Variants in WDR4 observed in about 807,000 individuals in gnomAD.
The protein encoded by WDR4 is WDR4 tRNA N7-guanosine methyltransferase non-catalytic subunit.
In WDR4, 47 loss-of-function variants were observed where a neutral mutation model predicts 48.6. The ratio of observed to expected loss-of-function variants is 0.97; its 90% CI spans 0.77 to 1.23. The LOEUF (loss-of-function observed/expected upper bound fraction) is 1.23, where lower values mean the gene tolerates loss of function less well. Among genes scored for constraint, WDR4 ranks in the 50% most tolerant of loss-of-function variants. WDR4 has a pLI of 0.00. For synonymous variants in WDR4, 268 were observed against 230.0 expected (o/e 1.17, Z -1.49); for missense variants, 606 against 551.6 (o/e 1.10, Z -0.99).
intron 3 of WDR4, among the ~76,000 whole-genome samples, chr21:42,868,302 G>A (rs77819891): frequency 0.014 from 2,161 of 152,332 alleles, 17 homozygotes; most frequent in Non-Finnish European, 0.022. Context: ...CAAGTTCAAA[G>A]TGAGACACTA....
chr21:42,865,046 G>A (rs1476927855), intron 3 of WDR4, among the ~76,000 whole-genome samples: 2 of 152,136 alleles, frequency 1.3e-5, no homozygotes, highest in Non-Finnish European at 2.9e-5. Flanking sequence ...TCCTCAATGA[G>A]GCCCCTATGT....
chr21:42,875,610 A>G (rs1402882805), intron 2 of WDR4, among the ~76,000 whole-genome samples: 1 of 152,188 alleles, frequency 6.6e-6, no homozygotes, highest in Non-Finnish European at 1.5e-5. Flanking sequence ...TAGGGGGATG[A>G]GGCGGGAGAT....
At chr21:42,852,423 G>T (rs1003983502) in intron 9 of WDR4, 99 bp from the exon 10 acceptor site, 1 of 1,378,560 alleles carries the variant, frequency 7.3e-7, no homozygotes, top group Admixed American at 2.1e-5. Flanking sequence ...TTGCAGGGGA[G>T]GTCCCCTCCT....
At chr21:42,863,087 GCCACCTACTGA>G (rs2058156328) in intron 4 of WDR4, among the ~76,000 whole-genome samples, 1 of 152,154 alleles carries the variant, frequency 6.6e-6, no homozygotes, top group African/African-American at 2.4e-5. Context: ...CCAACCTGGG[GCCACCTACTGA>G]CCACCTCCTG....
intron 1 of WDR4, among the ~76,000 whole-genome samples, chr21:42,877,786 T>C (rs1227214130): frequency 6.6e-6 from 1 of 152,116 alleles, no homozygotes; most frequent in Non-Finnish European, 1.5e-5. Flanking sequence ...GGTTCACGCC[T>C]GTAATCCCAG....
chr21:42,879,526 T>C lies in WDR4; in HGVS notation c.-31A>G, dbSNP rs375147243. On this transcript the variant is annotated 5_prime_UTR_variant, in exon 1 of 11. Coordinates refer to ENST00000398208, the MANE Select transcript of WDR4 (RefSeq NM_018669.6). ...CGCCCGCCTCACCGCCATACACATG[T>C]GCCAGCCCAGAGCCTCTTCCTGTCC... 8.1e-6 allele frequency: 13 copies of C among 1,610,732 alleles called. No individual in the cohort carries two copies. Among genetic ancestry groups the C allele is most frequent in the South Asian group, 5.5e-5 (5 of 90,944 alleles).
Position 42,855,673 on chromosome 21 carries a change from A to T in WDR4, c.726+9T>A. On this transcript the variant is annotated intron_variant, in intron 7 of 10. Coordinates refer to ENST00000398208, the MANE Select transcript of WDR4 (RefSeq NM_018669.6). ...ACTCAGTCGCCCAGGAGTGAACAGAAGCAGCTACCTGGGGGGCCTGGGGGT... is the reference window on the plus strand; with the variant it reads ...ACTCAGTCGCCCAGGAGTGAACAGATGCAGCTACCTGGGGGGCCTGGGGGT... 1.3e-6 allele frequency: 2 copies of T among 1,545,234 alleles called. No homozygotes were observed. Among genetic ancestry groups the T allele is most frequent in the South Asian group, 1.2e-5 (1 of 83,768 alleles).
At chr21:42,871,809 T>C (rs2058374566) in intron 3 of WDR4, among the ~76,000 whole-genome samples, 1 of 152,190 alleles carries the variant, frequency 6.6e-6, no homozygotes, top group Admixed American at 6.5e-5. Context: ...ACCTACCTGA[T>C]ACACAAAGAC....
chr21:42,847,806 T>C (rs2057724071), downstream of WDR4, among the ~76,000 whole-genome samples: 1 of 151,824 alleles, frequency 6.6e-6, no homozygotes, highest in Non-Finnish European at 1.5e-5. Flanking sequence ...GTGGGCAGGA[T>C]GCAGCGCATG....
upstream of WDR4, among the ~76,000 whole-genome samples, chr21:42,881,957 G>A (rs914141644): frequency 6.6e-6 from 1 of 152,008 alleles, no homozygotes; most frequent in African/African-American, 2.4e-5. Context: ...ATGTGCCACC[G>A]TGCCCAGCTA....
chr21:42,858,382 C>T (rs1602713737), intron 6 of WDR4, among the ~76,000 whole-genome samples: 1 of 152,132 alleles, frequency 6.6e-6, no homozygotes, highest in South Asian at 2.1e-4. Context: ...ACAGGAAGCG[C>T]GCGGGAAAAC....
At position 42,859,600 on chromosome 21, in the gene WDR4, C is replaced by T; in HGVS notation, c.627+62G>A. 4.2e-6 allele frequency: 3 copies of T among 705,992 alleles called. 1 individual carries two copies. The highest frequency in any genetic ancestry group is 3.6e-5 in the African/African-American group (2 of 55,676). The allele number at this position is 705,992 out of a possible 1,614,324, so 43.7% of individuals were successfully genotyped here. A position where few individuals can be genotyped will look rare whatever the true frequency, so the allele number is the denominator to read the frequency against. On this transcript the variant is annotated intron_variant, in intron 6 of 10. Coordinates refer to ENST00000398208, the MANE Select transcript of WDR4 (RefSeq NM_018669.6). Reference sequence around the variant, plus strand: ...ACAGGGGCCAGGTCCAGGAGGCGCCCACCCCACCCTCCCTGCAGGCTCAAG... The same window carrying T: ...ACAGGGGCCAGGTCCAGGAGGCGCCTACCCCACCCTCCCTGCAGGCTCAAG...
downstream of WDR4, among the ~76,000 whole-genome samples, chr21:42,847,950 G>C (rs533003279): frequency 1.4e-4 from 21 of 152,346 alleles, no homozygotes; most frequent in African/African-American, 4.3e-4. Flanking sequence ...GCAGCGTGAA[G>C]GAGGCCAGGC....
chr21:42,883,206 T>C (rs1601200459), upstream of WDR4, among the ~76,000 whole-genome samples: 1 of 133,566 alleles, frequency 7.5e-6, no homozygotes, highest in South Asian at 2.4e-4. Flanking sequence ...ACCGAGGAGG[T>C]GGAGATTGCA....
At chr21:42,884,980 T>C in the WDR4 span, among the ~76,000 whole-genome samples, 72 of 152,236 alleles carry the variant, frequency 4.7e-4, no homozygotes, top group African/African-American at 1.6e-3. Context: ...TTCACCATGT[T>C]GGCCAGGCTG....
chr21:42,863,325 G>C lies in WDR4; in HGVS notation c.453+115C>G, dbSNP rs780000781. 4.3e-4 allele frequency: 568 copies of C among 1,309,758 alleles called. 1 individual carries two copies. The highest frequency in any genetic ancestry group is 4.3e-4 in the Non-Finnish European group (403 of 946,626). The allele number at this position is 1,309,758 out of a possible 1,614,324, so 81.1% of individuals were successfully genotyped here. ...GTACTGCGTCTAACAGCATGGACAG[G>C]TGCCTGAGCCTTGACAGGGTAGACA... On this transcript the variant is annotated intron_variant, in intron 4 of 10. Coordinates refer to ENST00000398208, the MANE Select transcript of WDR4 (RefSeq NM_018669.6).
chr21:42,876,596 C>T (rs527789032), intron 2 of WDR4, 106 bp downstream of exon 2: 22 of 1,082,780 alleles, frequency 2.0e-5, no homozygotes, highest in Non-Finnish European at 3.0e-5. Flanking sequence ...CACTGTGTGA[C>T]AGAAGCTAAG....
intron 11 of WDR4, among the ~76,000 whole-genome samples, chr21:42,843,854 TG>T (rs1209855982): frequency 6.6e-6 from 1 of 152,262 alleles, no homozygotes; most frequent in East Asian, 1.9e-4. Context: ...CCACCGCACC[TG>T]ACCTTTTTAA....
At chr21:42,878,515 A>C (rs1273837463) in intron 1 of WDR4, among the ~76,000 whole-genome samples, 2 of 152,238 alleles carry the variant, frequency 1.3e-5, no homozygotes, top group African/African-American at 4.8e-5. Flanking sequence ...ACCTAACTTA[A>C]CATCGAATTG....
Sources: gnomAD v4.1 joint callset for allele counts (sites outside exome capture counted in the v4.1 genomes callset) on GRCh38, gnomAD v4.1.1 for gene constraint, MANE v1.5 for transcripts, NCBI Gene and HGNC (gene_info 2026-07-23, HGNC 2026-07-21) for gene names.